GJB5: variants seen among roughly 807,000 people sequenced by gnomAD.
GJB5 encodes the protein gap junction protein beta 5, also known as gap junction beta-5 protein.
For synonymous variants in GJB5, 146 were observed against 145.5 expected (o/e 1.00, Z -0.02); for missense variants, 333 against 357.9 (o/e 0.93, Z 0.56).
chr1:34,758,167 T>C lies in GJB5; in HGVS notation c.*15T>C, dbSNP rs758503859. On this transcript the variant is annotated 3_prime_UTR_variant, in exon 2 of 2. Transcript: ENST00000338513. The stretch of plus-strand genomic sequence containing the variant: ...CCATCTTGTGAGGGGCTGCCTGGAC[T>C]GGTCTGGCAGGTTGGGCCTGGATGG... 1 of 1,599,462 alleles carries C rather than the reference T, an allele frequency of 6.3e-7. No individual in the cohort carries two copies. The highest frequency in any genetic ancestry group is 2.2e-5 in the East Asian group (1 of 44,730).
rs1414767313 is a variant in GJB5 at position 34,757,717 on chromosome 1, G to T, written c.387G>T (p.Trp129Cys). 6.2e-7 allele frequency: 1 copy of T among 1,613,886 alleles called. No individual in the cohort carries two copies. Among genetic ancestry groups the T allele is most frequent in the African/African-American group, 1.3e-5 (1 of 74,862 alleles). The stretch of plus-strand genomic sequence containing the variant: ...GCAAGAAGCGGGGTGGGCTCTGGTG[G>T]ACATATGTCTGCAGCCTAGTGTTCA... ...NPGKKRGGLW[W>C]TYVCSLVFKA... The change falls in exon 2 of 2, where the codon TGG becomes TGT. Residue 129 changes from tryptophan to cysteine, a missense_variant. Physicochemically the swap from Trp to Cys is radical, Grantham distance 215 (BLOSUM62 -2). Coordinates refer to ENST00000338513, the MANE Select transcript of GJB5 (RefSeq NM_005268.4).
At position 34,758,074 on chromosome 1, in the gene GJB5, C is replaced by A. The variant is rs781775837; in HGVS notation, c.744C>A (p.Leu248=). 1 of 1,614,070 alleles carries A rather than the reference C, an allele frequency of 6.2e-7. No homozygotes were observed. The highest frequency in any genetic ancestry group is 8.5e-7 in the Non-Finnish European group (1 of 1,180,026). The change falls in exon 2 of 2, where the codon CTC becomes CTA. Residue 248 remains leucine (L), a synonymous_variant. Coordinates refer to ENST00000338513, the MANE Select transcript of GJB5 (RefSeq NM_005268.4). ...CKQDDLLSGD[L]IFLGSDSHPP... is the part of the protein sequence containing the mutation. Reference sequence around the variant, plus strand: ...AAGACGACCTCCTTTCGGGTGACCTCATCTTTCTGGGCTCAGACAGTCATC... The same window carrying A: ...AAGACGACCTCCTTTCGGGTGACCTAATCTTTCTGGGCTCAGACAGTCATC...
rs139327105 is a variant in GJB5, at chr1:34,757,497, G to A, written c.167G>A (p.Arg56His). The stretch of plus-strand genomic sequence containing the variant: ...CACAAGGACTTCGACTGCAATACTC[G>A]CCAGCCCGGCTGCTCCAACGTCTGC... ...DDHKDFDCNT[R>H]QPGCSNVCFD... is the part of the protein sequence containing the mutation. The change falls in exon 2 of 2, where the codon CGC becomes CAC. Residue 56 changes from arginine (R) to histidine (H), a missense_variant. Transcript: ENST00000338513. 1.9e-6 allele frequency: 3 copies of A among 1,614,082 alleles called. No individual in the cohort carries two copies. The highest frequency in any genetic ancestry group is 1.1e-5 in the South Asian group (1 of 91,066).
chr1:34,758,128 C>T lies in GJB5; in HGVS notation c.798C>T (p.Asp266=), dbSNP rs752449730. The T allele has an allele frequency of 6.2e-7, 1 of 1,613,826 alleles. No homozygotes were observed. Among genetic ancestry groups the T allele is most frequent in the South Asian group, 1.1e-5 (1 of 91,036 alleles). ...CTCTCTTACCAGACCGCCCCCGAGA[C>T]CATGTGAAGAAAACCATCTTGTGAG... The part of the protein sequence containing the change: ...HPPLLPDRPR[D]HVKKTIL The change falls in exon 2 of 2, where the codon GAC becomes GAT. Residue 266 remains aspartate, a synonymous_variant. Coordinates refer to ENST00000338513, the MANE Select transcript of GJB5 (RefSeq NM_005268.4).
chr1:34,757,005 G>C (rs1299461149), intron 1 of GJB5, among the ~76,000 whole-genome samples: 2 of 152,190 alleles, frequency 1.3e-5, no homozygotes, highest in South Asian at 2.1e-4. Context: ...CTCAAGACCA[G>C]AGCCTCAGGC....
At position 34,758,456 on chromosome 1, in the gene GJB5, C is replaced by A. The variant is rs1028030934; in HGVS notation, c.*304C>A. On this transcript the variant is annotated 3_prime_UTR_variant, in exon 2 of 2. Transcript: ENST00000338513. ...TCATAGAAGAACACACATGCGGGCA[C>A]CTTCATCGTGTGTGGCCCACTGTCA... The A allele has an allele frequency of 2.3e-6, 1 of 438,076 alleles. No individual in the cohort carries two copies. Among genetic ancestry groups the A allele is most frequent in the Admixed American group, 3.8e-5 (1 of 26,070 alleles). The allele number at this position is 438,076 out of a possible 1,614,324, so 27.1% of individuals were successfully genotyped here.
rs746453308 is a variant in GJB5 at position 34,757,540 on chromosome 1, T to G, written c.210T>G (p.Pro70=). 1 of 1,614,076 alleles carries G rather than the reference T, an allele frequency of 6.2e-7. No homozygotes were observed. ...CSNVCFDEFF[P]VSHVRLWALQ... is the part of the protein sequence containing the mutation. Reference sequence around the variant, plus strand: ...ACGTCTGCTTTGATGAGTTCTTCCCTGTGTCCCATGTGCGCCTCTGGGCCC... The same window carrying G: ...ACGTCTGCTTTGATGAGTTCTTCCCGGTGTCCCATGTGCGCCTCTGGGCCC... The change falls in exon 2 of 2, where the codon CCT becomes CCG. Residue 70 remains proline (P), a synonymous_variant. Coordinates refer to ENST00000338513, the MANE Select transcript of GJB5 (RefSeq NM_005268.4).
rs1639631247 is a variant in GJB5 at position 34,758,054 on chromosome 1, GA to G, written c.725del (p.Asp242AlafsTer27). The G allele has an allele frequency of 2.5e-6, 4 of 1,613,864 alleles. No homozygotes were observed. The highest frequency in any genetic ancestry group is 2.5e-6 in the Non-Finnish European group (3 of 1,179,974). On this transcript the variant is annotated frameshift_variant, in exon 2 of 2. Coordinates refer to ENST00000338513, the MANE Select transcript of GJB5 (RefSeq NM_005268.4). LOFTEE classifies it high-confidence loss of function. ...TACCACCTCTTCCTGCAAACAAGAC[GA>G]CCTCCTTTCGGGTGACCTCATCTTT... ...HGTTSSCKQDDLLSGDLIFLG... is the reference protein window; with the variant it reads ...HGTTSSCKQDXLLSGDLIFLG...
chr1:34,758,464 G>C lies in GJB5; in HGVS notation c.*312G>C. ...GAACACACATGCGGGCACCTTCATC[G>C]TGTGTGGCCCACTGTCAGAACTTAA... On this transcript the variant is annotated 3_prime_UTR_variant, in exon 2 of 2. Coordinates refer to ENST00000338513, the MANE Select transcript of GJB5 (RefSeq NM_005268.4). 2.4e-6 allele frequency: 1 copy of C among 415,242 alleles called. No homozygotes were observed. Among genetic ancestry groups the C allele is most frequent in the Non-Finnish European group, 4.6e-6 (1 of 218,634 alleles). 25.7% of individuals were successfully genotyped at this position (415,242 alleles called of 1,614,324 possible).
At chr1:34,757,228 T>C (rs1639602250) in intron 1 of GJB5, 79 bp from the exon 2 acceptor site, 4 of 777,430 alleles carry the variant, frequency 5.1e-6, no homozygotes, top group Non-Finnish European at 8.5e-6. Context: ...AAGGATGAAA[T>C]GTGATGACAT....
In GJB5 at chr1:34,757,668, G is replaced by C; in HGVS notation, c.338G>C (p.Ser113Thr). 1.2e-6 allele frequency: 2 copies of C among 1,614,072 alleles called. No individual in the cohort carries two copies. The highest frequency in any genetic ancestry group is 1.7e-6 in the Non-Finnish European group (2 of 1,180,008). Residue 113 changes from serine (S) to threonine (T), a missense_variant, in exon 2 of 2, where the codon AGT becomes ACT. By Grantham distance (58) the Ser-to-Thr change is moderately conservative. Coordinates refer to ENST00000338513, the MANE Select transcript of GJB5 (RefSeq NM_005268.4). Reference protein sequence around the residue: ...KRHREAHGENSGRLYLNPGKK... With the variant: ...KRHREAHGENTGRLYLNPGKK... ...CACCGAGAAGCCCATGGGGAGAACA[G>C]TGGGCGCCTCTACCTGAACCCCGGC... is the stretch of plus-strand genomic sequence containing the variant.
rs750305338 is a variant in GJB5, at chr1:34,757,853, T to G, written c.523T>G (p.Cys175Gly). The G allele has an allele frequency of 4.3e-6, 7 of 1,613,914 alleles. No homozygotes were observed. The Admixed American group carries it at 1.2e-4, about 27-fold the overall frequency. Reference sequence around the variant, plus strand: ...AGATCCATGTCCCAATATAGTGGACTGCTTCATCTCCAAGCCCTCAGAGAA... The same window carrying G: ...AGATCCATGTCCCAATATAGTGGACGGCTTCATCTCCAAGCCCTCAGAGAA... ...HADPCPNIVD[C>G]FISKPSEKNI... The change falls in exon 2 of 2, where the codon TGC becomes GGC. Residue 175 changes from cysteine to glycine, a missense_variant. Physicochemically the swap from Cys to Gly is radical, Grantham distance 159. Transcript: ENST00000338513.
rs759573908 is a variant in GJB5 at position 34,757,491 on chromosome 1, A to G, written c.161A>G (p.Asn54Ser). ...GATGACCACAAGGACTTCGACTGCA[A>G]TACTCGCCAGCCCGGCTGCTCCAAC... ...WSDDHKDFDC[N>S]TRQPGCSNVC... The change falls in exon 2 of 2, where the codon AAT becomes AGT. Residue 54 changes from asparagine (N) to serine (S), a missense_variant. Physicochemically the swap from Asn to Ser is conservative, Grantham distance 46 (BLOSUM62 1). Transcript: ENST00000338513. The G allele has an allele frequency of 7.4e-6, 12 of 1,614,078 alleles. No homozygotes were observed. Among genetic ancestry groups the G allele is most frequent in the South Asian group, 2.2e-5 (2 of 91,060 alleles).
chr1:34,758,000 G>A lies in GJB5; in HGVS notation c.670G>A (p.Ala224Thr), dbSNP rs761444820. 71 of 1,613,950 alleles carry A rather than the reference G, an allele frequency of 4.4e-5. No homozygotes were observed. In the Admixed American group the frequency reaches 1.2e-3, roughly 27 times the overall value. ...HECLAARKAQ[A>T]MCTGHHPHGT... Reference sequence around the variant, plus strand: ...GTGCCTGGCAGCAAGGAAAGCTCAAGCCATGTGCACAGGTCATCACCCCCA... The same window carrying A: ...GTGCCTGGCAGCAAGGAAAGCTCAAACCATGTGCACAGGTCATCACCCCCA... Residue 224 changes from alanine (A) to threonine (T), a missense_variant, in exon 2 of 2, where the codon GCC (alanine) becomes ACC (threonine). Coordinates refer to ENST00000338513, the MANE Select transcript of GJB5 (RefSeq NM_005268.4).
intron 1 of GJB5, among the ~76,000 whole-genome samples, chr1:34,755,580 C>A (rs540362547): frequency 6.6e-6 from 1 of 152,262 alleles, no homozygotes; most frequent in South Asian, 2.1e-4. Flanking sequence ...AGAGCTCCCC[C>A]CAACCCCGGC....
At position 34,757,393 on chromosome 1, in the gene GJB5, G is replaced by T. The variant is rs771680433; in HGVS notation, c.63G>T (p.Gly21=). The change falls in exon 2 of 2, where the codon GGG becomes GGT. Residue 21 remains glycine, a synonymous_variant. Coordinates refer to ENST00000338513, the MANE Select transcript of GJB5 (RefSeq NM_005268.4). The part of the protein sequence containing the change: ...SGVNKYSTAF[G]RIWLSLVFIF... ...TCAACAAGTACTCCACAGCCTTTGG[G>T]CGCATCTGGCTGTCTCTGGTCTTCA... 1 of 1,614,204 alleles carries T rather than the reference G, an allele frequency of 6.2e-7. No individual in the cohort carries two copies. The highest frequency in any genetic ancestry group is 8.5e-7 in the Non-Finnish European group (1 of 1,180,030).
At position 34,758,190 on chromosome 1, in the gene GJB5, T is replaced by TG; in HGVS notation, c.*42dup. 1 of 1,518,810 alleles carries TG rather than the reference T, an allele frequency of 6.6e-7. No homozygotes were observed. Among genetic ancestry groups the TG allele is most frequent in the Non-Finnish European group, 9.1e-7 (1 of 1,100,564 alleles). 94.1% of individuals were successfully genotyped at this position (1,518,810 alleles called of 1,614,324 possible). On this transcript the variant is annotated 3_prime_UTR_variant, in exon 2 of 2. Transcript: ENST00000338513. ...ACTGGTCTGGCAGGTTGGGCCTGGA[T>TG]GGGGAGGCTCTAGCATCTCTCATAG... is the stretch of plus-strand genomic sequence containing the variant.
Position 34,757,605 on chromosome 1 carries a change from T to A in GJB5, c.275T>A (p.Val92Asp), listed in dbSNP as rs373337022. Residue 92 changes from valine to aspartate, a missense_variant, in exon 2 of 2, where the codon GTC becomes GAC. Transcript: ENST00000338513. ...ILVTCPSLLV[V>D]MHVAYREVQE... The stretch of plus-strand genomic sequence containing the variant: ...GTGACATGCCCCTCACTGCTCGTGG[T>A]CATGCACGTGGCCTACCGGGAGGTT... 6.2e-6 allele frequency: 10 copies of A among 1,613,918 alleles called. No individual in the cohort carries two copies. The highest frequency in any genetic ancestry group is 1.1e-5 in the South Asian group (1 of 91,060).
chr1:34,758,315 C>A lies in GJB5; in HGVS notation c.*163C>A. 2 of 626,200 alleles carry A rather than the reference C, an allele frequency of 3.2e-6. No homozygotes were observed. Among genetic ancestry groups the A allele is most frequent in the Non-Finnish European group, 2.9e-6 (1 of 347,270 alleles). 38.8% of individuals were successfully genotyped at this position (626,200 alleles called of 1,614,324 possible). A position where few individuals can be genotyped will look rare whatever the true frequency, so the allele number is the denominator to read the frequency against. ...CCAGTTCCTAGTCCTCAACTCCAGC[C>A]ACCTGCCCCAGCTCGACGGCACTGG... On this transcript the variant is annotated 3_prime_UTR_variant, in exon 2 of 2. Transcript: ENST00000338513.
Sources: allele counts gnomAD v4.1 joint callset (sites outside exome capture counted in the v4.1 genomes callset), GRCh38; gene constraint gnomAD v4.1.1; transcripts MANE v1.5; gene names NCBI Gene and HGNC (gene_info 2026-07-23, HGNC 2026-07-21).